Variants in SNX29 observed in about 807,000 individuals in gnomAD.
SNX29 encodes the protein sorting nexin-29.
Under a neutral mutation model 102.1 loss-of-function variants are expected in SNX29, and 78 were observed. That is an observed-to-expected ratio of 0.76 (90% confidence interval 0.64 to 0.92). SNX29 has a LOEUF of 0.92. Ranked by LOEUF, SNX29 falls within the 40% of genes least tolerant of loss-of-function variation. The pLI is 0.00. For missense variants in SNX29, 1,280 were observed against 1,061.7 expected, an observed-to-expected ratio of 1.21 and a Z score of -2.86; for synonymous variants, 580 against 414.5, an observed-to-expected ratio of 1.40 and a Z score of -4.85.
At chr16:12,029,494 A>G (rs944312032) in intron 4 of SNX29, 48 of 453,152 alleles carry the variant, frequency 1.1e-4, no homozygotes, top group Non-Finnish European at 1.5e-4. Flanking sequence ...AGAATACAGT[A>G]TGGAGAAATG....
intron 9 of SNX29, among the ~76,000 whole-genome samples, chr16:12,065,676 C>T (rs1346665682): frequency 6.6e-6 from 1 of 152,162 alleles, no homozygotes; most frequent in Non-Finnish European, 1.5e-5. Flanking sequence ...TTTTGGTTGT[C>T]AGTGTTGCGG....
intron 15 of SNX29, among the ~76,000 whole-genome samples, chr16:12,300,305 C>G (rs1342970423): frequency 6.6e-6 from 1 of 152,182 alleles, no homozygotes; most frequent in East Asian, 1.9e-4. Flanking sequence ...CCACCACTTT[C>G]TCCAACCAAG....
intron 14 of SNX29, among the ~76,000 whole-genome samples, chr16:12,208,682 TA>T (rs200839887): frequency 6.0e-5 from 9 of 150,642 alleles, no homozygotes; most frequent in East Asian, 5.9e-4. Context: ...TGCAAACAGT[TA>T]AAAAAAAATT....
intron 13 of SNX29, among the ~76,000 whole-genome samples, chr16:12,182,374 C>T (rs552035221): frequency 7.1e-4 from 108 of 152,128 alleles, no homozygotes; most frequent in African/African-American, 2.5e-3. Flanking sequence ...AAATTAAAGG[C>T]GAACAGGCAG....
At chr16:12,541,735 C>T (rs914950185) in intron 20 of SNX29, among the ~76,000 whole-genome samples, 5 of 152,126 alleles carry the variant, frequency 3.3e-5, no homozygotes, top group African/African-American at 1.2e-4. Flanking sequence ...CCTGTCTTTT[C>T]CGTACTGTGC....
At chr16:12,365,462 G>A (rs2082438215) in intron 16 of SNX29, among the ~76,000 whole-genome samples, 1 of 151,714 alleles carries the variant, frequency 6.6e-6, no homozygotes, top group Non-Finnish European at 1.5e-5. Context: ...GGCCGAGGCA[G>A]GAGGATCACT....
chr16:12,177,265 T>G (rs2076281525), intron 13 of SNX29, among the ~76,000 whole-genome samples: 8 of 152,200 alleles, frequency 5.3e-5, no homozygotes. Context: ...TTCAGGTTTT[T>G]CTCTGTTTTA....
At chr16:12,323,647 G>C (rs2081031061) in intron 15 of SNX29, among the ~76,000 whole-genome samples, 1 of 152,160 alleles carries the variant, frequency 6.6e-6, no homozygotes, top group African/African-American at 2.4e-5. Context: ...GTCGTATCCA[G>C]GCACCACAGA....
chr16:12,281,177 G>A (rs1285480348), intron 15 of SNX29, among the ~76,000 whole-genome samples: 1 of 152,198 alleles, frequency 6.6e-6, no homozygotes, highest in Non-Finnish European at 1.5e-5. Flanking sequence ...GCCTCTCAAA[G>A]TGCTGGGATC....
chr16:12,544,018 C>G (rs752950136), intron 20 of SNX29, among the ~76,000 whole-genome samples: 7 of 152,206 alleles, frequency 4.6e-5, no homozygotes, highest in African/African-American at 7.2e-5. Flanking sequence ...GCCCTGGACT[C>G]TAGACCCCGT....
At chr16:12,542,758 CCTT>C (rs1188313938) in intron 20 of SNX29, among the ~76,000 whole-genome samples, 44 of 148,440 alleles carry the variant, frequency 3.0e-4, no homozygotes, top group African/African-American at 1.0e-3. Context: ...ACTATCACTG[CCTT>C]TTTTTTTTTT....
intron 18 of SNX29, among the ~76,000 whole-genome samples, chr16:12,411,495 G>T (rs1304917741): frequency 6.6e-6 from 1 of 152,212 alleles, no homozygotes; most frequent in Non-Finnish European, 1.5e-5. Context: ...TCCCCTTCCT[G>T]CTGGACATAT....
At chr16:12,556,166 C>G (rs969195835) in intron 20 of SNX29, among the ~76,000 whole-genome samples, 1 of 152,132 alleles carries the variant, frequency 6.6e-6, no homozygotes. Flanking sequence ...GCTTTGTCGC[C>G]ATGACACATC....
chr16:12,444,860 G>A (rs548827345), intron 18 of SNX29, among the ~76,000 whole-genome samples: 49 of 113,892 alleles, frequency 4.3e-4, no homozygotes, highest in African/African-American at 1.8e-3. Flanking sequence ...TTTTTTTTGA[G>A]ACAGAGTCTC....
chr16:12,146,463 G>T (rs899064199), intron 13 of SNX29, among the ~76,000 whole-genome samples: 1 of 152,004 alleles, frequency 6.6e-6, no homozygotes, highest in African/African-American at 2.4e-5. Context: ...ATGGGGTTTT[G>T]CCATGTTGGC....
chr16:12,486,211 C>A (rs976754019), intron 19 of SNX29, among the ~76,000 whole-genome samples: 2 of 152,204 alleles, frequency 1.3e-5, no homozygotes, highest in Non-Finnish European at 2.9e-5. Flanking sequence ...CTCAGATCTT[C>A]CCCCGATCAC....
intron 13 of SNX29, among the ~76,000 whole-genome samples, chr16:12,174,390 T>G (rs2076215328): frequency 6.6e-6 from 1 of 152,192 alleles, no homozygotes. Context: ...AAGACAGTGG[T>G]CCCATCTTGG....
intron 11 of SNX29, among the ~76,000 whole-genome samples, chr16:12,093,390 G>T (rs1048711955): frequency 6.6e-6 from 1 of 152,052 alleles, no homozygotes; most frequent in African/African-American, 2.4e-5. Context: ...CAGGAGGATT[G>T]CTTGAGGCCA....
rs538948152 is a variant in SNX29, at chr16:12,516,085, A to G, written c.2179-8617A>G. On this transcript the variant is annotated intron_variant, in intron 19 of 20. Coordinates refer to ENST00000566228, the MANE Select transcript of SNX29 (RefSeq NM_032167.5). ...CTCCCATTACCTTACATTAACCATA[A>G]GTCAGCCGATGGCTCTCGTCTAATT... is the stretch of plus-strand genomic sequence containing the variant. 8.5e-5 allele frequency among the ~76,000 whole-genome samples: 13 copies of G among 152,240 alleles called. No individual in the cohort carries two copies. The South Asian group carries it at 2.7e-3, about 32-fold the overall frequency.
Sources: gnomAD v4.1 joint callset for allele counts (sites outside exome capture counted in the v4.1 genomes callset) on GRCh38, gnomAD v4.1.1 for gene constraint, MANE v1.5 for transcripts, NCBI Gene and HGNC (gene_info 2026-07-23, HGNC 2026-07-21) for gene names.